FBXL7: variants seen among roughly 807,000 people sequenced by gnomAD.
FBXL7 encodes F-box/LRR-repeat protein 7.
A neutral mutation model predicts 38.3 loss-of-function variants in FBXL7; 12 were observed. That is an observed-to-expected ratio of 0.31 (90% CI 0.20 to 0.51). The LOEUF (loss-of-function observed/expected upper bound fraction) is 0.51, where lower values mean the gene tolerates loss of function less well. Ranked by LOEUF, FBXL7 falls within the 20% of genes least tolerant of loss-of-function variation. The probability of loss-of-function intolerance (pLI) is 0.98; values close to 1 mark genes in which losing one functional copy is unlikely to be tolerated. For missense variants in FBXL7, 567 were observed against 676.4 expected, an observed-to-expected ratio of 0.84 and a Z score of 1.79; for synonymous variants, 297 against 300.9, an observed-to-expected ratio of 0.99 and a Z score of 0.13.
chr5:15,729,167 C>T (rs1735507465), intron 2 of FBXL7, among the ~76,000 whole-genome samples: 1 of 152,088 alleles, frequency 6.6e-6, no homozygotes, highest in Non-Finnish European at 1.5e-5. Context: ...ACATAACAAG[C>T]CAGGAAGGAT....
chr5:15,600,277 G>C (rs1480806576), intron 1 of FBXL7, among the ~76,000 whole-genome samples: 1 of 152,184 alleles, frequency 6.6e-6, no homozygotes, highest in Non-Finnish European at 1.5e-5. Flanking sequence ...AACCACAGAA[G>C]GGAGGGGCAC....
intron 2 of FBXL7, among the ~76,000 whole-genome samples, chr5:15,684,778 A>C (rs1742964219): frequency 6.6e-6 from 1 of 152,230 alleles, no homozygotes; most frequent in African/African-American, 2.4e-5. Context: ...CAAGTCAACA[A>C]ATGCAAGTGG....
chr5:15,799,356 CT>C (rs34953272), intron 2 of FBXL7, among the ~76,000 whole-genome samples: 1,286 of 90,846 alleles, frequency 0.014, 16 homozygotes, highest in African/African-American at 0.052. Flanking sequence ...AAACCCCTCC[CT>C]TTTTTTTTTT....
chr5:15,860,733 G>T (rs998571981), intron 2 of FBXL7, among the ~76,000 whole-genome samples: 1 of 152,132 alleles, frequency 6.6e-6, no homozygotes, highest in African/African-American at 2.4e-5. Flanking sequence ...ATACTTAGGG[G>T]TGATATGGTT....
chr5:15,810,116 T>C (rs894795183), intron 2 of FBXL7, among the ~76,000 whole-genome samples: 3 of 152,220 alleles, frequency 2.0e-5, no homozygotes, highest in Non-Finnish European at 4.4e-5. Context: ...TTTTTTTCAA[T>C]TTATGTGAAA....
In FBXL7 at chr5:15,928,198, A is replaced by C. The variant is rs926939044; in HGVS notation, c.436A>C (p.Asn146His). The change falls in exon 3 of 4, where the codon AAC (asparagine) becomes CAC (histidine). Residue 146 changes from asparagine to histidine, a missense_variant. Transcript: ENST00000504595. The surrounding 1 kb of genome is among the most constrained non-coding windows in gnomAD (Gnocchi z 4.0). Reference sequence around the variant, plus strand: ...CGCGCGAGTGTGCCGCCGCTGGTACAACCTGGCCTGGGACCCGCGGCTCTG... The same window carrying C: ...CGCGCGAGTGTGCCGCCGCTGGTACCACCTGGCCTGGGACCCGCGGCTCTG... ...RCARVCRRWY[N>H]LAWDPRLWRT... 3 of 1,610,316 alleles carry C rather than the reference A, an allele frequency of 1.9e-6. No individual in the cohort carries two copies. The African/African-American group carries it at 4.0e-5, about 21-fold the overall frequency.
chr5:15,868,522 T>C (rs933865409), intron 2 of FBXL7, among the ~76,000 whole-genome samples: 1 of 152,234 alleles, frequency 6.6e-6, no homozygotes, highest in Admixed American at 6.5e-5. Context: ...TACTGCAGTG[T>C]GATTTGGGGA....
At chr5:15,858,149 T>G (rs1333381522) in intron 2 of FBXL7, among the ~76,000 whole-genome samples, 1 of 151,616 alleles carries the variant, frequency 6.6e-6, no homozygotes, top group Non-Finnish European at 1.5e-5. Flanking sequence ...GCAAATTTTA[T>G]CCTTACAACT....
intron 2 of FBXL7, among the ~76,000 whole-genome samples, chr5:15,649,848 G>A (rs1314462800): frequency 6.6e-6 from 1 of 152,118 alleles, no homozygotes; most frequent in Non-Finnish European, 1.5e-5. Context: ...GAAGTAGCTT[G>A]TGCATTACTT....
chr5:15,651,088 C>CTT (rs547135923), intron 2 of FBXL7, among the ~76,000 whole-genome samples: 6 of 142,136 alleles, frequency 4.2e-5, no homozygotes, highest in Admixed American at 7.2e-5. Context: ...AAACATACTT[C>CTT]TTTTTTTTTT....
At chr5:15,502,623 C>T (rs1736528096) in intron 1 of FBXL7, among the ~76,000 whole-genome samples, 1 of 152,162 alleles carries the variant, frequency 6.6e-6, no homozygotes. Context: ...CATCAACTTT[C>T]TTCAAATGCA....
intron 1 of FBXL7, among the ~76,000 whole-genome samples, chr5:15,568,943 G>T (rs891100628): frequency 1.3e-5 from 2 of 152,068 alleles, no homozygotes; most frequent in Non-Finnish European, 2.9e-5. Flanking sequence ...TGTTCCATTG[G>T]TCTATATCTC....
intron 2 of FBXL7, among the ~76,000 whole-genome samples, chr5:15,626,947 A>C (rs1034428010): frequency 6.6e-6 from 1 of 152,194 alleles, no homozygotes; most frequent in Non-Finnish European, 1.5e-5. Flanking sequence ...AGAGCTCACA[A>C]TATGTCAGTC....
At chr5:15,798,512 TTA>T (rs1200999816) in intron 2 of FBXL7, among the ~76,000 whole-genome samples, 1 of 152,198 alleles carries the variant, frequency 6.6e-6, no homozygotes, top group African/African-American at 2.4e-5. Flanking sequence ...CAGAAATAAT[TTA>T]TGTTTATATT....
At chr5:15,906,673 G>C (rs1393756118) in intron 2 of FBXL7, among the ~76,000 whole-genome samples, 6 of 97,678 alleles carry the variant, frequency 6.1e-5, no homozygotes, top group South Asian at 4.2e-4. Context: ...CCCCTCCCCC[G>C]ACCCCACCAC....
intron 2 of FBXL7, among the ~76,000 whole-genome samples, chr5:15,765,042 A>G (rs762872874): frequency 1.7e-4 from 26 of 152,222 alleles, no homozygotes; most frequent in Non-Finnish European, 1.9e-4. Flanking sequence ...TCCAGTAATG[A>G]GAAGAATGGA....
intron 1 of FBXL7, among the ~76,000 whole-genome samples, chr5:15,602,533 A>G (rs915759310): frequency 6.6e-6 from 1 of 152,054 alleles, no homozygotes; most frequent in African/African-American, 2.4e-5. Context: ...CATGGAGCCT[A>G]CTCTCATGGA....
intron 2 of FBXL7, among the ~76,000 whole-genome samples, chr5:15,632,312 T>C (rs1213830763): frequency 6.6e-6 from 1 of 152,128 alleles, no homozygotes. Flanking sequence ...TATGAATATA[T>C]TCTTCTTATT....
intron 2 of FBXL7, among the ~76,000 whole-genome samples, chr5:15,864,212 G>T (rs966756880): frequency 2.0e-5 from 3 of 150,136 alleles, no homozygotes; most frequent in Non-Finnish European, 4.4e-5. Context: ...GAACTTGGTG[G>T]TCATTAGAAT....
Sources: allele counts gnomAD v4.1 joint callset (sites outside exome capture counted in the v4.1 genomes callset), GRCh38; gene constraint gnomAD v4.1.1; non-coding constraint Gnocchi (gnomAD v3.1); transcripts MANE v1.5; gene names NCBI Gene and HGNC (gene_info 2026-07-23, HGNC 2026-07-21).